The following ZBTB1 variants were observed in gnomAD, a reference collection of about 807,000 sequenced individuals.
The protein encoded by ZBTB1 is zinc finger and BTB domain-containing protein 1.
A neutral mutation model predicts 51.6 loss-of-function variants in ZBTB1; 13 were observed. The ratio of observed to expected loss-of-function variants is 0.25; its 90% CI spans 0.16 to 0.40. The LOEUF (loss-of-function observed/expected upper bound fraction) is 0.40, where lower values mean the gene tolerates loss of function less well. Ranked by LOEUF, ZBTB1 falls within the 10% of genes least tolerant of loss-of-function variation. The pLI is 1.00. For synonymous variants in ZBTB1, 240 were observed against 282.2 expected (o/e 0.85, Z 1.50); for missense variants, 567 against 856.5 (o/e 0.66, Z 4.22).
At chr14:64,529,592 C>T (rs1479551893), downstream of ZBTB1, among the ~76,000 whole-genome samples, 3 of 151,954 alleles carry the variant, frequency 2.0e-5, no homozygotes, top group South Asian at 2.1e-4. Context: ...GGCAACACAG[C>T]GAAACCCCAT....
rs145788836 is a variant in ZBTB1, at chr14:64,522,065, G to C, written c.561G>C (p.Glu187Asp). The C allele has an allele frequency of 6.2e-7, 1 of 1,614,164 alleles. No homozygotes were observed. The highest frequency in any genetic ancestry group is 1.1e-5 in the South Asian group (1 of 91,084). The stretch of plus-strand genomic sequence containing the variant: ...CTTTACAATTAGGTAATTTTCCTGA[G>C]CCACTATTTGATGTATGTAAAAAAA... ...EESLQLGNFP[E>D]PLFDVCKKSS... Residue 187 changes from glutamate (E) to aspartate (D), a missense_variant, in exon 2 of 2, where the codon GAG becomes GAC. By Grantham distance (45) the Glu-to-Asp change is conservative. Coordinates refer to ENST00000683701, the MANE Select transcript of ZBTB1 (RefSeq NM_001123329.2).
rs117180430 is a variant in ZBTB1 at position 64,510,937 on chromosome 14, T to C, written c.-19+5991T>C. 4.6e-3 allele frequency among the ~76,000 whole-genome samples: 703 copies of C among 152,130 alleles called. 21 individuals carry two copies. The East Asian group carries it at 0.078, about 17-fold the overall frequency. On this transcript the variant is annotated intron_variant, in intron 1 of 1. Coordinates refer to ENST00000683701, the MANE Select transcript of ZBTB1 (RefSeq NM_001123329.2). ...AGAGGCCTTGCAAGAGCAGGAAAGG[T>C]AGGGATGGAGTAGATGGGCAGATTT...
In ZBTB1 at chr14:64,523,519, C is replaced by A. The variant is rs1362228600; in HGVS notation, c.2015C>A (p.Pro672Gln). 1.3e-6 allele frequency: 2 copies of A among 1,597,238 alleles called. No homozygotes were observed. The highest frequency in any genetic ancestry group is 1.7e-6 in the Non-Finnish European group (2 of 1,171,196). The change falls in exon 2 of 2, where the codon CCA (proline) becomes CAA (glutamine). Residue 672 changes from proline (P) to glutamine (Q), a missense_variant. Transcript: ENST00000683701. This position sits in a 1 kb window ranked among gnomAD's most constrained non-coding sequence, Gnocchi z 4.5. ...TGCCAGGTCTGCTTTCAGATATTCCCAAATAATGAACAGTTGGAGCAGCAC... is the reference window on the plus strand; with the variant it reads ...TGCCAGGTCTGCTTTCAGATATTCCAAAATAATGAACAGTTGGAGCAGCAC... The part of the protein sequence containing the change: ...TICQVCFQIF[P>Q]NNEQLEQHMD...
upstream of ZBTB1, chr14:64,503,975 G>C (rs1346743098): frequency 6.6e-6 from 1 of 152,154 alleles, no homozygotes; most frequent in East Asian, 1.9e-4. Flanking sequence ...TGACTCTGTA[G>C]GCGGAAGCAT....
intron 1 of ZBTB1, among the ~76,000 whole-genome samples, chr14:64,509,833 C>T (rs1052827146): frequency 5.9e-5 from 9 of 151,638 alleles, no homozygotes; most frequent in East Asian, 1.9e-4. Flanking sequence ...AAAAATTGGC[C>T]GGGCGTGGTG....
exon 3 of ZBTB1, chr14:64,532,995 T>A (rs551978666): frequency 6.6e-6 from 1 of 152,124 alleles, no homozygotes; most frequent in African/African-American, 2.4e-5. Flanking sequence ...TATCAAGATG[T>A]TATTTATTTT....
chr14:64,522,949 G>A lies in ZBTB1; in HGVS notation c.1445G>A (p.Gly482Glu), dbSNP rs1827337811. 2 of 1,614,100 alleles carry A rather than the reference G, an allele frequency of 1.2e-6. No individual in the cohort carries two copies. The highest frequency in any genetic ancestry group is 1.3e-5 in the African/African-American group (1 of 74,930). Reference sequence around the variant, plus strand: ...CAAGATCTGACCATGAATGGGTTAGGAAATACTGAGGAGAAAATGGACTTG... The same window carrying A: ...CAAGATCTGACCATGAATGGGTTAGAAAATACTGAGGAGAAAATGGACTTG... The part of the protein sequence containing the change: ...EPQDLTMNGL[G>E]NTEEKMDLEE... Residue 482 changes from glycine to glutamate, a missense_variant, in exon 2 of 2, where the codon GGA becomes GAA. Physicochemically the swap from Gly to Glu is moderately conservative, Grantham distance 98 (BLOSUM62 -2). This residue lies in a region of ZBTB1 where 329 missense variants were observed against 406.3 expected (regional missense o/e 0.81). Coordinates refer to ENST00000683701, the MANE Select transcript of ZBTB1 (RefSeq NM_001123329.2).
intron 1 of ZBTB1, among the ~76,000 whole-genome samples, chr14:64,507,849 C>G (rs917569933): frequency 6.6e-6 from 1 of 152,188 alleles, no homozygotes; most frequent in Non-Finnish European, 1.5e-5. Flanking sequence ...TAGAGAGTTT[C>G]ATAATTTATA....
At chr14:64,505,131 G>C (rs2079625483) in intron 1 of ZBTB1, 185 bp downstream of exon 1, 1 of 343,462 alleles carries the variant, frequency 2.9e-6, no homozygotes, top group Admixed American at 4.8e-5. Flanking sequence ...TGTTGCCGGC[G>C]CGTCAGGTCC....
At position 64,521,787 on chromosome 14, in the gene ZBTB1, G is replaced by T; in HGVS notation, c.283G>T (p.Glu95Ter). The change falls in exon 2 of 2, where the codon GAG (glutamate) becomes TAG (stop). Residue 95 changes from glutamate (E) to a stop codon, truncating the protein, a stop_gained. Coordinates refer to ENST00000683701, the MANE Select transcript of ZBTB1 (RefSeq NM_001123329.2). LOFTEE classifies it high-confidence loss of function. ...AATTATGACAGCTCCCTCCAGTTTT[G>T]AGCAGTTTAAAGTGGCAATGAACTA... is the stretch of plus-strand genomic sequence containing the variant. ...GKIMTAPSSF[E>*]QFKVAMNYLQ... The T allele has an allele frequency of 6.2e-7, 1 of 1,611,626 alleles. No homozygotes were observed. Among genetic ancestry groups the T allele is most frequent in the South Asian group, 1.1e-5 (1 of 91,080 alleles).
intron 1 of ZBTB1, among the ~76,000 whole-genome samples, chr14:64,515,352 A>C (rs1029486809): frequency 6.6e-6 from 1 of 152,208 alleles, no homozygotes; most frequent in Non-Finnish European, 1.5e-5. Context: ...AGAACAGCTG[A>C]AATACAAGCT....
At chr14:64,531,917 G>C (rs2079944704) in exon 3 of ZBTB1, 2 of 1,613,316 alleles carry the variant, frequency 1.2e-6, no homozygotes, top group Admixed American at 3.3e-5. Context: ...ATTTGGAGAG[G>C]ACATGGGGAA....
chr14:64,531,597 A>G (rs1001810902), intron 2 of ZBTB1, among the ~76,000 whole-genome samples: 3 of 152,120 alleles, frequency 2.0e-5, no homozygotes, highest in Non-Finnish European at 4.4e-5. Flanking sequence ...TCTGACCCCT[A>G]TCTTTTTTTA....
At chr14:64,518,740 C>G (rs2079823758) in intron 1 of ZBTB1, among the ~76,000 whole-genome samples, 1 of 151,596 alleles carries the variant, frequency 6.6e-6, no homozygotes, top group Non-Finnish European at 1.5e-5. Flanking sequence ...AAAATTGAGG[C>G]TAAAATTTGA....
chr14:64,523,167 A>G lies in ZBTB1; in HGVS notation c.1663A>G (p.Ser555Gly), dbSNP rs749353552. 3.7e-6 allele frequency: 6 copies of G among 1,614,192 alleles called. No homozygotes were observed. Among genetic ancestry groups the G allele is most frequent in the South Asian group, 3.3e-5 (3 of 91,078 alleles). ...TENLVVEHMSSCLDQDMFKSA... is the reference protein window; with the variant it reads ...TENLVVEHMSGCLDQDMFKSA... ...AAATCTAGTGGTTGAACATATGTCT[A>G]GCTGCTTAGATCAAGATATGTTTAA... is the stretch of plus-strand genomic sequence containing the variant. The change falls in exon 2 of 2, where the codon AGC (serine) becomes GGC (glycine). Residue 555 changes from serine (S) to glycine (G), a missense_variant. By Grantham distance (56) the Ser-to-Gly change is moderately conservative (BLOSUM62 0). Around this residue, in one of 5 missense-constraint regions of ZBTB1, gnomAD observed 329 missense variants for 406.3 expected, o/e 0.81. Coordinates refer to ENST00000683701, the MANE Select transcript of ZBTB1 (RefSeq NM_001123329.2). The surrounding 1 kb of genome is among the most constrained non-coding windows in gnomAD (Gnocchi z 4.5).
chr14:64,503,777 T>G, upstream of ZBTB1: 1 of 227,704 alleles, frequency 4.4e-6, no homozygotes, highest in Non-Finnish European at 7.3e-6. Context: ...CTCGCGCGGC[T>G]TCCCGCGCCG....
At chr14:64,511,611 A>G (rs1160766738) in intron 1 of ZBTB1, among the ~76,000 whole-genome samples, 1 of 152,228 alleles carries the variant, frequency 6.6e-6, no homozygotes, top group Non-Finnish European at 1.5e-5. Flanking sequence ...ATGAATGGAT[A>G]TGTAGATTCA....
At chr14:64,508,729 AAATTTTAATTTT>A (rs201815597) in intron 1 of ZBTB1, among the ~76,000 whole-genome samples, 2 of 152,204 alleles carry the variant, frequency 1.3e-5, no homozygotes, top group African/African-American at 4.8e-5. Flanking sequence ...AAAATGCTTT[AAATTTTAATTTT>A]AATTTTAATT....
At chr14:64,526,097 C>A (rs1434375498), downstream of ZBTB1, among the ~76,000 whole-genome samples, 1 of 152,082 alleles carries the variant, frequency 6.6e-6, no homozygotes, top group East Asian at 1.9e-4. Flanking sequence ...GGATTACAGG[C>A]ATGAGCCACC....
Sources: gnomAD v4.1 joint callset for allele counts (sites outside exome capture counted in the v4.1 genomes callset) on GRCh38, gnomAD v4.1.1 for gene constraint, gnomAD v4.1.1 regional missense constraint, Gnocchi (gnomAD v3.1) non-coding constraint, MANE v1.5 for transcripts, NCBI Gene and HGNC (gene_info 2026-07-23, HGNC 2026-07-21) for gene names.